Variants in ZFYVE9 observed in about 807,000 individuals in gnomAD.
ZFYVE9 encodes the protein zinc finger FYVE domain-containing protein 9.
In ZFYVE9, 43 loss-of-function variants were observed where a neutral mutation model predicts 126.7. The observed-to-expected ratio is 0.34, with a 90% CI of 0.27 to 0.44. ZFYVE9 has a LOEUF of 0.44. Ranked by LOEUF, ZFYVE9 falls within the 20% of genes least tolerant of loss-of-function variation. ZFYVE9 has a pLI of 1.00. For missense variants in ZFYVE9, 1,476 were observed against 1,697.0 expected, an observed-to-expected ratio of 0.87 and a Z score of 2.29; for synonymous variants, 521 against 597.4, an observed-to-expected ratio of 0.87 and a Z score of 1.87.
chr1:52,272,190 A>G (rs1161946281), intron 7 of ZFYVE9, among the ~76,000 whole-genome samples: 1 of 152,214 alleles, frequency 6.6e-6, no homozygotes, highest in African/African-American at 2.4e-5. Flanking sequence ...TATATGTAGC[A>G]AAATGCATGA....
chr1:52,264,894 TTAAG>T (rs1168343035), intron 5 of ZFYVE9, among the ~76,000 whole-genome samples: 1 of 152,250 alleles, frequency 6.6e-6, no homozygotes, highest in Non-Finnish European at 1.5e-5. Flanking sequence ...CTCTCCACTC[TTAAG>T]GGTTACTTTT....
At chr1:52,237,444 C>T (rs374473141) in intron 3 of ZFYVE9, 44 bp from the exon 4 acceptor site, 2 of 1,484,050 alleles carry the variant, frequency 1.3e-6, no homozygotes, top group African/African-American at 2.8e-5. Context: ...TAAGCTTTTC[C>T]AGTGTTACAA....
At position 52,142,785 on chromosome 1, in the gene ZFYVE9, G is replaced by C. The variant is rs1644272282; in HGVS notation, c.-143+382G>C. 6.6e-6 allele frequency among the ~76,000 whole-genome samples: 1 copy of C among 152,184 alleles called. No individual in the cohort carries two copies. Among genetic ancestry groups the C allele is most frequent in the Non-Finnish European group, 1.5e-5 (1 of 68,020 alleles). On this transcript the variant is annotated intron_variant, in intron 1 of 18. Transcript: ENST00000287727. This position sits in a 1 kb window ranked among gnomAD's most constrained non-coding sequence, Gnocchi z 4.5. The stretch of plus-strand genomic sequence containing the variant: ...TGACGCCTGTTTGCAAACAAGCTTT[G>C]GCTTCCACGCGTCCCATACCGAGTC...
At chr1:52,155,668 T>C (rs1211748184) in intron 1 of ZFYVE9, among the ~76,000 whole-genome samples, 1 of 152,210 alleles carries the variant, frequency 6.6e-6, no homozygotes, top group East Asian at 1.9e-4. Context: ...AGGGATTGCT[T>C]GCACTACAGC....
chr1:52,223,081 A>G (rs984603232), intron 2 of ZFYVE9, among the ~76,000 whole-genome samples: 2 of 152,058 alleles, frequency 1.3e-5, no homozygotes, highest in Admixed American at 6.5e-5. Context: ...GAAAGTGACT[A>G]TCTCTGATTT....
At chr1:52,337,620 TTTCAGTAAGAGG>T in intron 15 of ZFYVE9, 140 bp from the exon 16 acceptor site, 3 of 739,996 alleles carry the variant, frequency 4.1e-6, no homozygotes, top group Non-Finnish European at 6.4e-6. Flanking sequence ...CTCACAACAC[TTTCAGTAAGAGG>T]TTCAGCTCAA....
chr1:52,297,242 C>G (rs1031511698), intron 12 of ZFYVE9, among the ~76,000 whole-genome samples: 1 of 134,106 alleles, frequency 7.5e-6, no homozygotes, highest in African/African-American at 2.8e-5. Context: ...AAAAACATTT[C>G]TTTTTTTTTT....
chr1:52,310,428 G>A (rs1436922519), intron 13 of ZFYVE9, among the ~76,000 whole-genome samples: 1 of 152,150 alleles, frequency 6.6e-6, no homozygotes, highest in East Asian at 1.9e-4. Context: ...AGAGAACTTA[G>A]CTGGGTGCCA....
intron 13 of ZFYVE9, among the ~76,000 whole-genome samples, chr1:52,311,387 C>T (rs980810447): frequency 7.9e-5 from 12 of 151,862 alleles, no homozygotes; most frequent in Admixed American, 2.6e-4. Flanking sequence ...GCTTCAGCCT[C>T]CTGAGTAGCT....
At chr1:52,163,346 A>G (rs1644480809) in intron 1 of ZFYVE9, among the ~76,000 whole-genome samples, 2 of 152,214 alleles carry the variant, frequency 1.3e-5, no homozygotes, top group African/African-American at 2.4e-5. Flanking sequence ...GCTCCCCAGA[A>G]CTAAATATGA....
At chr1:52,285,812 T>A (rs1645852841) in intron 10 of ZFYVE9, among the ~76,000 whole-genome samples, 1 of 152,184 alleles carries the variant, frequency 6.6e-6, no homozygotes, top group Non-Finnish European at 1.5e-5. Flanking sequence ...AAAAATTGTC[T>A]TCCACAAAAC....
intron 13 of ZFYVE9, among the ~76,000 whole-genome samples, chr1:52,314,239 TTATA>T (rs1646162302): frequency 6.6e-6 from 1 of 152,226 alleles, no homozygotes; most frequent in Non-Finnish European, 1.5e-5. Flanking sequence ...GAAATCTTCC[TTATA>T]TACTTAGGTA....
At chr1:52,248,800 T>G (rs1449569752) in intron 4 of ZFYVE9, among the ~76,000 whole-genome samples, 2 of 152,218 alleles carry the variant, frequency 1.3e-5, no homozygotes, top group African/African-American at 4.8e-5. Context: ...AATTGCTGGA[T>G]TATATGGTAG....
intron 4 of ZFYVE9, among the ~76,000 whole-genome samples, chr1:52,255,881 G>A (rs1272725461): frequency 3.4e-5 from 5 of 149,148 alleles, no homozygotes; most frequent in Non-Finnish European, 7.5e-5. Flanking sequence ...AATTCATTGA[G>A]TTTGAGCTAT....
At chr1:52,260,895 G>A (rs1421295531) in intron 4 of ZFYVE9, among the ~76,000 whole-genome samples, 1 of 152,128 alleles carries the variant, frequency 6.6e-6, no homozygotes, top group Non-Finnish European at 1.5e-5. Context: ...CCTTTGCTTG[G>A]TCTGGCCTCA....
chr1:52,178,075 C>T (rs1222536161), intron 1 of ZFYVE9, among the ~76,000 whole-genome samples: 8 of 150,672 alleles, frequency 5.3e-5, no homozygotes, highest in Non-Finnish European at 1.0e-4. Context: ...GTCAGGAGAT[C>T]GAGACAATCC....
chr1:52,305,437 C>T (rs1646073822), intron 13 of ZFYVE9, among the ~76,000 whole-genome samples: 1 of 152,126 alleles, frequency 6.6e-6, no homozygotes, highest in Non-Finnish European at 1.5e-5. Flanking sequence ...CTCAAAAAAA[C>T]AAACAAACAA....
Position 52,306,267 on chromosome 1 carries a change from G to C in ZFYVE9, c.3438+2342G>C, listed in dbSNP as rs1219502689. On this transcript the variant is annotated intron_variant, in intron 13 of 18. Coordinates refer to ENST00000287727, the MANE Select transcript of ZFYVE9 (RefSeq NM_004799.4). Reference sequence around the variant, plus strand: ...AGCTGAGCAGACATCGGGATGACCAGCTGCAGAGAGGAGCTGCCCACTCCA... The same window carrying C: ...AGCTGAGCAGACATCGGGATGACCACCTGCAGAGAGGAGCTGCCCACTCCA... Among the ~76,000 whole-genome samples, 3 of 152,280 alleles carry C rather than the reference G, an allele frequency of 2.0e-5. No homozygotes were observed. The East Asian group carries it at 5.8e-4, about 29-fold the overall frequency.
At chr1:52,289,453 C>T (rs1024692727) in intron 10 of ZFYVE9, among the ~76,000 whole-genome samples, 2 of 152,090 alleles carry the variant, frequency 1.3e-5, no homozygotes, top group Non-Finnish European at 2.9e-5. Flanking sequence ...CATTTAACAC[C>T]TTTGACAGGT....
Sources: gnomAD v4.1 joint callset for allele counts (sites outside exome capture counted in the v4.1 genomes callset) on GRCh38, gnomAD v4.1.1 for gene constraint, Gnocchi (gnomAD v3.1) non-coding constraint, MANE v1.5 for transcripts, NCBI Gene and HGNC (gene_info 2026-07-23, HGNC 2026-07-21) for gene names.